Variants in SYNE1 observed in about 807,000 individuals in gnomAD.
SYNE1 encodes the protein spectrin repeat containing nuclear envelope protein 1.
Under a neutral mutation model 1,111.0 loss-of-function variants are expected in SYNE1, and 616 were observed. The observed-to-expected ratio is 0.55, with a 90% CI of 0.52 to 0.59. SYNE1 has a LOEUF of 0.59. Among genes scored for constraint, SYNE1 ranks in the 20% least tolerant of loss-of-function variants. The probability of loss-of-function intolerance (pLI) is 0.00; values close to 1 mark genes in which losing one functional copy is unlikely to be tolerated. For missense variants in SYNE1, 10,006 were observed against 10,417.0 expected (o/e 0.96, Z 1.72); for synonymous variants, 3,855 against 3,825.8 (o/e 1.01, Z -0.28).
At chr6:152,232,910 G>A (rs1309438152) in intron 112 of SYNE1, among the ~76,000 whole-genome samples, 3 of 152,322 alleles carry the variant, frequency 2.0e-5, no homozygotes, top group Admixed American at 6.5e-5. Flanking sequence ...AGCAATGAAC[G>A]TGGGTTGGTT....
At chr6:152,363,221 G>C (rs772908630) in intron 63 of SYNE1, among the ~76,000 whole-genome samples, 2 of 148,120 alleles carry the variant, frequency 1.4e-5, no homozygotes, top group Non-Finnish European at 3.0e-5. Context: ...CAGGCCGGGC[G>C]CGGTGACTCA....
At chr6:152,268,282 A>G in intron 99 of SYNE1, 117 bp from the exon 100 acceptor site, 1 of 771,234 alleles carries the variant, frequency 1.3e-6, no homozygotes. Flanking sequence ...TTAAGTTTGC[A>G]TATTGCATAA....
In SYNE1 at chr6:152,140,119, C is replaced by T; in HGVS notation, c.25289G>A (p.Ser8430Asn). The T allele has an allele frequency of 6.2e-7, 1 of 1,614,248 alleles. No homozygotes were observed. The highest frequency in any genetic ancestry group is 1.3e-5 in the African/African-American group (1 of 75,058). The change falls in exon 140 of 146, where the codon AGC becomes AAC. Residue 8430 changes from serine (S) to asparagine (N), a missense_variant. Ser to Asn is a conservative substitution (Grantham distance 46). This residue lies in a region of SYNE1 where 761 missense variants were observed against 795.5 expected (regional missense o/e 0.96). Coordinates refer to ENST00000367255, the MANE Select transcript of SYNE1 (RefSeq NM_182961.4). ...GTTCTGCTTCATCCTCAACTCCTTG[C>T]TCAATGCCTGGGCCTGGAGAAGCTC... Reference protein sequence around the residue: ...RWELLQAQALSKELRMKQNLQ... With the variant: ...RWELLQAQALNKELRMKQNLQ...
At chr6:152,234,567 A>C in intron 111 of SYNE1, 101 bp downstream of exon 111, 1 of 1,384,110 alleles carries the variant, frequency 7.2e-7, no homozygotes, top group Non-Finnish European at 1.0e-6. Flanking sequence ...GTGGGATTAC[A>C]GGTGTGAGCC....
chr6:152,439,890 G>A (rs981197085), intron 32 of SYNE1, among the ~76,000 whole-genome samples: 1 of 152,302 alleles, frequency 6.6e-6, no homozygotes, highest in Non-Finnish European at 1.5e-5. Flanking sequence ...GTTTGAGCTT[G>A]TAGGGTTGGG....
At chr6:152,301,417 A>G (rs535406340) in intron 92 of SYNE1, among the ~76,000 whole-genome samples, 4 of 152,354 alleles carry the variant, frequency 2.6e-5, no homozygotes, top group Non-Finnish European at 4.4e-5. Flanking sequence ...TTTTCTAACA[A>G]TAGCTGTTCT....
intron 115 of SYNE1, among the ~76,000 whole-genome samples, chr6:152,229,137 A>G (rs377435600): frequency 2.6e-5 from 4 of 152,312 alleles, no homozygotes; most frequent in East Asian, 1.9e-4. Flanking sequence ...AGAGATCATT[A>G]CCAAAGTTCT....
chr6:152,350,361 A>G (rs1229969331), intron 71 of SYNE1, 26 bp from the exon 72 acceptor site: 11 of 1,613,984 alleles, frequency 6.8e-6, no homozygotes, highest in African/African-American at 6.7e-5. Flanking sequence ...TCCATCAGAG[A>G]TGACTTTCAA....
chr6:152,442,276 A>G (rs933533413), intron 30 of SYNE1, 31 bp from the exon 31 acceptor site: 5 of 1,610,452 alleles, frequency 3.1e-6, no homozygotes. Flanking sequence ...GATGGATATA[A>G]ATTGTGCTCT....
At chr6:152,484,038 C>CAAAA (rs773019397) in intron 13 of SYNE1, among the ~76,000 whole-genome samples, 25 of 53,410 alleles carry the variant, frequency 4.7e-4, no homozygotes, top group African/African-American at 9.9e-4. Context: ...CTCATCTCTA[C>CAAAA]AAAAAAAAAA....
At chr6:152,609,909 T>C (rs1205736749) in intron 3 of SYNE1, among the ~76,000 whole-genome samples, 1 of 152,204 alleles carries the variant, frequency 6.6e-6, no homozygotes, top group Non-Finnish European at 1.5e-5. Flanking sequence ...GGGACCTGAC[T>C]GTTGGAAGGA....
At position 152,339,300 on chromosome 6, in the gene SYNE1, C is replaced by T. The variant is rs2096481302; in HGVS notation, c.12292G>A (p.Asp4098Asn). The T allele has an allele frequency of 6.2e-7, 1 of 1,613,906 alleles. No individual in the cohort carries two copies. The highest frequency in any genetic ancestry group is 1.3e-5 in the African/African-American group (1 of 74,944). The change falls in exon 75 of 146, where the codon GAC (aspartate) becomes AAC (asparagine). Residue 4098 changes from aspartate (D) to asparagine (N), a missense_variant. Asp to Asn is a conservative substitution (Grantham distance 23). Transcript: ENST00000367255. ...GTTTTCACCGAAGCATTTGACAGGT[C>T]ACACATGGAGCAAAGGAGATCTAGG... is the stretch of plus-strand genomic sequence containing the variant. ...TYLDLLCSMC[D>N]LSNASVKTTA...
At chr6:152,308,304 G>A (rs912798861) in intron 91 of SYNE1, among the ~76,000 whole-genome samples, 185 bp downstream of exon 91, 1 of 152,238 alleles carries the variant, frequency 6.6e-6, no homozygotes, top group South Asian at 2.1e-4. Flanking sequence ...CAAGGGGAAC[G>A]CACGTGTTAC....
At position 152,447,725 on chromosome 6, in the gene SYNE1, T is replaced by C. The variant is rs1368416857; in HGVS notation, c.3505-103A>G. ...AAAAAGGTTTGCAGGTGGAGCAGAA[T>C]AGAGCCAGACATCATTCAGCAATAC... On this transcript the variant is annotated intron_variant, in intron 28 of 145. Coordinates refer to ENST00000367255, the MANE Select transcript of SYNE1 (RefSeq NM_182961.4). 22 of 1,371,064 alleles carry C rather than the reference T, an allele frequency of 1.6e-5. No homozygotes were observed. The Admixed American group carries it at 2.2e-4, about 14-fold the overall frequency. 84.9% of individuals were successfully genotyped at this position (1,371,064 alleles called of 1,614,324 possible). A position where few individuals can be genotyped will look rare whatever the true frequency, so the allele number is the denominator to read the frequency against.
intron 97 of SYNE1, among the ~76,000 whole-genome samples, chr6:152,279,716 CAAA>C (rs71017531): frequency 6.3e-5 from 4 of 63,066 alleles, no homozygotes; most frequent in Non-Finnish European, 6.8e-5. Flanking sequence ...GACCTTGTCT[CAAA>C]AAAAAAAAAA....
chr6:152,238,510 C>T (rs2084763116), intron 108 of SYNE1, among the ~76,000 whole-genome samples: 1 of 152,090 alleles, frequency 6.6e-6, no homozygotes, highest in Non-Finnish European at 1.5e-5. Flanking sequence ...ATAGGGAATT[C>T]CACATCAGGG....
At chr6:152,450,893 T>G in intron 26 of SYNE1, 60 bp from the exon 27 acceptor site, 4 of 1,602,490 alleles carry the variant, frequency 2.5e-6, no homozygotes, top group Non-Finnish European at 3.4e-6. Flanking sequence ...CTTCTACATT[T>G]TCACAGAAAA....
chr6:152,134,790 G>A, intron 142 of SYNE1: 1 of 322,786 alleles, frequency 3.1e-6, no homozygotes, highest in Non-Finnish European at 5.8e-6. Context: ...GGCCATAGAT[G>A]TAACATGAAG....
At chr6:152,422,433 T>C (rs909325594) in intron 39 of SYNE1, among the ~76,000 whole-genome samples, 2 of 152,172 alleles carry the variant, frequency 1.3e-5, no homozygotes, top group African/African-American at 4.8e-5. Flanking sequence ...TATATTTCAG[T>C]TTGCTTTTTT....
Sources: gnomAD v4.1 joint callset for allele counts (sites outside exome capture counted in the v4.1 genomes callset) on GRCh38, gnomAD v4.1.1 for gene constraint, gnomAD v4.1.1 regional missense constraint, MANE v1.5 for transcripts, NCBI Gene and HGNC (gene_info 2026-07-23, HGNC 2026-07-21) for gene names.